The following KDM2B variants were observed in gnomAD, a reference collection of about 807,000 sequenced individuals.
KDM2B encodes the protein lysine-specific demethylase 2B.
Under a neutral mutation model 150.0 loss-of-function variants are expected in KDM2B, and 26 were observed. That is an observed-to-expected ratio of 0.17 (90% CI 0.13 to 0.24). KDM2B has a LOEUF of 0.24. Among genes scored for constraint, KDM2B ranks in the 10% least tolerant of loss-of-function variants. The pLI is 1.00. For missense variants in KDM2B, 1,265 were observed against 1,816.9 expected, an observed-to-expected ratio of 0.70 and a Z score of 5.52; for synonymous variants, 734 against 729.5, an observed-to-expected ratio of 1.01 and a Z score of -0.10.
chr12:121,418,175 C>T, the KDM2B span: 519 of 432,594 alleles, frequency 1.2e-3, 4 homozygotes, highest in African/African-American at 9.4e-3. Context: ...CTCTGTCTTA[C>T]ACAGTTAGAC....
In KDM2B at chr12:121,532,837, C is replaced by T. The variant is rs1555308065; in HGVS notation, c.900G>A (p.Leu300=). 3.1e-6 allele frequency: 5 copies of T among 1,614,236 alleles called. No homozygotes were observed. The highest frequency in any genetic ancestry group is 4.2e-6 in the Non-Finnish European group (5 of 1,180,050). Residue 300 remains leucine, a synonymous_variant, in exon 8 of 23, where the codon CTG becomes CTA. Transcript: ENST00000377071. ...DRVERCQRIE[L]KQGYTFFIPS... ...GGATGAAAAATGTGTAGCCCTGCTT[C>T]AGCTCAATTCTTTGGCATCGTTCCA...
At chr12:121,582,153 A>G (rs1555318184), upstream of KDM2B, among the ~76,000 whole-genome samples, 1 of 152,154 alleles carries the variant, frequency 6.6e-6, no homozygotes, top group African/African-American at 2.4e-5. Context: ...TCTTTCTCAC[A>G]AGAACCCTTT....
downstream of KDM2B, among the ~76,000 whole-genome samples, chr12:121,427,084 G>A (rs1872544577): frequency 6.6e-6 from 1 of 152,216 alleles, no homozygotes; most frequent in Non-Finnish European, 1.5e-5. Flanking sequence ...CCTAGAGGAA[G>A]GGACAGAGCC....
At chr12:121,465,264 G>A (rs913363492) in intron 12 of KDM2B, among the ~76,000 whole-genome samples, 2 of 152,102 alleles carry the variant, frequency 1.3e-5, no homozygotes, top group Admixed American at 1.3e-4. Context: ...TCTCACTCTC[G>A]TCGCTCAGGC....
At position 121,453,459 on chromosome 12, in the gene KDM2B, T is replaced by C. The variant is rs547242961; in HGVS notation, c.1735-115A>G. On this transcript the variant is annotated intron_variant, in intron 12 of 22. Transcript: ENST00000377071. The surrounding 1 kb of genome is among the most constrained non-coding windows in gnomAD (Gnocchi z 6.4). ...CCCCAGAAAGACACGATGGGGGCTC[T>C]AAACCCCATTCCTCAGAGTGTGATC... is the stretch of plus-strand genomic sequence containing the variant. 1.4e-6 allele frequency: 1 copy of C among 715,906 alleles called. No homozygotes were observed. Among genetic ancestry groups the C allele is most frequent in the East Asian group, 2.7e-5 (1 of 36,726 alleles). 44.3% of individuals were successfully genotyped at this position (715,906 alleles called of 1,614,324 possible).
intron 8 of KDM2B, among the ~76,000 whole-genome samples, chr12:121,524,115 C>T (rs1886925125): frequency 6.6e-6 from 1 of 152,190 alleles, no homozygotes; most frequent in Non-Finnish European, 1.5e-5. Context: ...GATGCACAGG[C>T]AGGTGCATCT....
intron 12 of KDM2B, chr12:121,470,318 G>A (rs1234167714): frequency 6.6e-6 from 1 of 152,158 alleles, no homozygotes; most frequent in Non-Finnish European, 1.5e-5. Flanking sequence ...CAAAAAAGTT[G>A]CCGCTAACAC....
rs1555305984 is a variant in KDM2B at position 121,521,869 on chromosome 12, G to C, written c.932-769C>G. ...CACCTCTGTGATCCCAGCACTTTGG[G>C]AGGCTGAGGCGGGAAGATCGCTTGA... On this transcript the variant is annotated intron_variant, in intron 8 of 22. Transcript: ENST00000377071. The surrounding 1 kb of genome is among the most constrained non-coding windows in gnomAD (Gnocchi z 4.9). Among the ~76,000 whole-genome samples, 3 of 152,170 alleles carry C rather than the reference G, an allele frequency of 2.0e-5. No homozygotes were observed. The highest frequency in any genetic ancestry group is 4.4e-5 in the Non-Finnish European group (3 of 68,026).
chr12:121,581,164 G>T (rs1477166418), upstream of KDM2B: 1 of 420,764 alleles, frequency 2.4e-6, no homozygotes, highest in Non-Finnish European at 4.2e-6. Context: ...TTTTTTAAAG[G>T]TTCTTGCGCT....
intron 1 of KDM2B, 28 bp downstream of exon 1, chr12:121,580,758 C>G (rs368540601): frequency 8.1e-6 from 13 of 1,610,118 alleles, no homozygotes; most frequent in Non-Finnish European, 1.1e-5. Context: ...TCTTCCTCTT[C>G]TTTCATCCAC....
At chr12:121,570,092 C>T (rs1168985740) in intron 4 of KDM2B, among the ~76,000 whole-genome samples, 1 of 151,898 alleles carries the variant, frequency 6.6e-6, no homozygotes, top group East Asian at 1.9e-4. Context: ...CTCTTGTTGC[C>T]CAGGCTGGAG....
intron 4 of KDM2B, among the ~76,000 whole-genome samples, chr12:121,558,464 T>C (rs1555313134): frequency 6.6e-6 from 1 of 150,488 alleles, no homozygotes; most frequent in African/African-American, 2.4e-5. Context: ...TCTTTTTTTT[T>C]TTTTTTTGAG....
chr12:121,459,620 T>C (rs1300510583), intron 12 of KDM2B, among the ~76,000 whole-genome samples: 2 of 152,166 alleles, frequency 1.3e-5, no homozygotes, highest in Non-Finnish European at 2.9e-5. Context: ...CACCTGAGGT[T>C]GGGAGTTGGA....
At chr12:121,504,375 T>C (rs1555302607) in intron 11 of KDM2B, among the ~76,000 whole-genome samples, 1 of 151,982 alleles carries the variant, frequency 6.6e-6, no homozygotes. Context: ...TCTCTACAAA[T>C]AATGAAAAAA....
intron 14 of KDM2B, chr12:121,444,867 G>A (rs1460787437): frequency 2.7e-5 from 12 of 451,594 alleles, no homozygotes; most frequent in Middle Eastern, 1.3e-3. Context: ...TGAGCTCAGC[G>A]CCTGGCATGC....
chr12:121,486,363 G>GTT (rs1566326232), intron 12 of KDM2B, among the ~76,000 whole-genome samples: 3 of 112,798 alleles, frequency 2.7e-5, no homozygotes, highest in Non-Finnish European at 3.4e-5. Flanking sequence ...TTTTTTTTAG[G>GTT]GGAAACGGGG....
At chr12:121,509,207 C>T (rs947566938) in intron 11 of KDM2B, among the ~76,000 whole-genome samples, 7 of 152,060 alleles carry the variant, frequency 4.6e-5, no homozygotes, top group Admixed American at 1.3e-4. Context: ...TACAGGCATA[C>T]GCCACCAGGC....
chr12:121,455,480 G>A (rs1555292544), intron 12 of KDM2B, among the ~76,000 whole-genome samples: 4 of 152,232 alleles, frequency 2.6e-5, no homozygotes, highest in African/African-American at 9.7e-5. Flanking sequence ...GGGGTCTGAG[G>A]TGGGAGGATC....
At chr12:121,432,318 A>G (rs1436749455) in intron 22 of KDM2B, among the ~76,000 whole-genome samples, 2 of 152,242 alleles carry the variant, frequency 1.3e-5, no homozygotes, top group Admixed American at 6.5e-5. Flanking sequence ...TTATCATACA[A>G]TTCCTTCGGG....
Sources: gnomAD v4.1 joint callset for allele counts (sites outside exome capture counted in the v4.1 genomes callset) on GRCh38, gnomAD v4.1.1 for gene constraint, Gnocchi (gnomAD v3.1) non-coding constraint, MANE v1.5 for transcripts, NCBI Gene and HGNC (gene_info 2026-07-23, HGNC 2026-07-21) for gene names.